PEPD: variants seen among roughly 807,000 people sequenced by gnomAD.
PEPD encodes the protein peptidase D, also known as xaa-Pro dipeptidase.
PEPD carries 53 observed loss-of-function variants against 60.7 expected under a neutral mutation model. The observed-to-expected ratio is 0.87, with a 90% confidence interval of 0.70 to 1.10. PEPD has a LOEUF of 1.10. Ranked by LOEUF, PEPD falls within the 50% of genes least tolerant of loss-of-function variation. PEPD has a pLI of 0.00. For synonymous variants in PEPD, 267 were observed against 284.1 expected (o/e 0.94, Z 0.60); for missense variants, 711 against 711.9 (o/e 1.00, Z 0.01).
chr19:33,513,009 C>A (rs1326098640), intron 1 of PEPD, among the ~76,000 whole-genome samples: 1 of 151,890 alleles, frequency 6.6e-6, no homozygotes, highest in Non-Finnish European at 1.5e-5. Flanking sequence ...CTGACTCCAC[C>A]CCCCTGCTCC....
At chr19:33,471,172 C>G (rs190943917) in intron 7 of PEPD, among the ~76,000 whole-genome samples, 73 of 152,274 alleles carry the variant, frequency 4.8e-4, no homozygotes, top group African/African-American at 1.6e-3. Context: ...AAAGGCAGTT[C>G]TCTGATGAAA....
intron 12 of PEPD, among the ~76,000 whole-genome samples, chr19:33,399,661 C>T (rs1004235131): frequency 6.6e-6 from 1 of 152,182 alleles, no homozygotes; most frequent in East Asian, 1.9e-4. Context: ...GGCCGGCGAT[C>T]GAGGCTGCAA....
chr19:33,430,335 G>A (rs1969241488), intron 9 of PEPD, among the ~76,000 whole-genome samples: 2 of 152,164 alleles, frequency 1.3e-5, no homozygotes, highest in Non-Finnish European at 1.5e-5. Flanking sequence ...CCCGAGAGAC[G>A]GCGAGGTAGG....
At chr19:33,424,364 G>A (rs1473758071) in intron 9 of PEPD, among the ~76,000 whole-genome samples, 1 of 152,262 alleles carries the variant, frequency 6.6e-6, no homozygotes, top group African/African-American at 2.4e-5. Flanking sequence ...GGCACCTTGA[G>A]CCAGCGAGGG....
At chr19:33,429,886 A>G (rs1969233994) in intron 9 of PEPD, among the ~76,000 whole-genome samples, 1 of 152,272 alleles carries the variant, frequency 6.6e-6, no homozygotes, top group South Asian at 2.1e-4. Context: ...TAAGCTCGTC[A>G]GTAATCAAAT....
chr19:33,461,771 G>A lies in PEPD; in HGVS notation c.671+1224C>T, dbSNP rs187932344. 3.9e-4 allele frequency among the ~76,000 whole-genome samples: 60 copies of A among 152,262 alleles called. 2 individuals carry two copies. In the East Asian group the frequency reaches 0.011, roughly 27 times the overall value. On this transcript the variant is annotated intron_variant, in intron 9 of 14. Transcript: ENST00000244137. ...CTGGGAATGCTGGGCCACAGACACC[G>A]CACTGCAGAAGGAGACCACGCAGAC... is the stretch of plus-strand genomic sequence containing the variant.
chr19:33,512,773 G>C lies in PEPD; in HGVS notation c.21C>G (p.Pro7=). The C allele has an allele frequency of 6.2e-7, 1 of 1,614,022 alleles. No individual in the cohort carries two copies. Among genetic ancestry groups the C allele is most frequent in the African/African-American group, 1.3e-5 (1 of 75,062 alleles). Residue 7 remains proline, a synonymous_variant, in exon 2 of 15, where the codon CCC becomes CCG. Coordinates refer to ENST00000244137, the MANE Select transcript of PEPD (RefSeq NM_000285.4). ...GGGTTTCATTCCCCAGCCAAAACGA[G>C]GGTCTGCAGAGGCAAGAGCACACAC... MAAATG[P]SFWLGNETLK... is the part of the protein sequence containing the mutation.
At chr19:33,486,601 C>T (rs571389314) in intron 6 of PEPD, among the ~76,000 whole-genome samples, 46 of 152,280 alleles carry the variant, frequency 3.0e-4, no homozygotes, top group Non-Finnish European at 5.7e-4. Context: ...CCTCTGCTGT[C>T]CCCACACCTC....
chr19:33,412,407 C>G (rs540342142), intron 10 of PEPD, among the ~76,000 whole-genome samples: 1 of 152,156 alleles, frequency 6.6e-6, no homozygotes. Context: ...AAGGGCCCTA[C>G]GGAACCCCTC....
intron 1 of PEPD, among the ~76,000 whole-genome samples, chr19:33,518,486 T>C (rs153508): frequency 0.76 from 115,030 of 152,058 alleles, 43,733 homozygotes; most frequent in Middle Eastern, 0.83. Flanking sequence ...GGGGTACACG[T>C]CCAGGGCAGT....
At chr19:33,505,975 C>T (rs1970795078) in intron 3 of PEPD, among the ~76,000 whole-genome samples, 2 of 145,670 alleles carry the variant, frequency 1.4e-5, no homozygotes, top group Admixed American at 6.9e-5. Context: ...ACCCACACCC[C>T]ATCACAAACA....
chr19:33,491,183 G>A (rs752448724), intron 5 of PEPD, among the ~76,000 whole-genome samples: 7 of 152,150 alleles, frequency 4.6e-5, no homozygotes, highest in East Asian at 3.9e-4. Flanking sequence ...GGCTGGGCAC[G>A]GTGGCTCACG....
intron 5 of PEPD, among the ~76,000 whole-genome samples, chr19:33,490,363 C>A (rs558010461): frequency 6.6e-6 from 1 of 152,258 alleles, no homozygotes; most frequent in Non-Finnish European, 1.5e-5. Context: ...GCTGCCCAGG[C>A]ACAGGCGAGG....
rs1368615976 is a variant in PEPD, at chr19:33,500,942, T to A, written c.389A>T (p.Asp130Val). The change falls in exon 4 of 15, where the codon GAT becomes GTT. Residue 130 changes from aspartate to valine, a missense_variant. By Grantham distance (152) the Asp-to-Val change is radical. Coordinates refer to ENST00000244137, the MANE Select transcript of PEPD (RefSeq NM_000285.4). ...KYAVDDVQYV[D>V]EIASVLTSQK... ...GAGGAGGAGCCGGCTACCCACCTCA[T>A]CTACGTACTGGACGTCGTCCACGGC... The A allele has an allele frequency of 3.8e-6, 6 of 1,589,016 alleles. No homozygotes were observed. The Admixed American group carries it at 5.0e-5, about 13-fold the overall frequency.
chr19:33,469,645 C>T (rs567423271), intron 7 of PEPD, among the ~76,000 whole-genome samples: 25 of 152,226 alleles, frequency 1.6e-4, no homozygotes, highest in Middle Eastern at 3.4e-3. Context: ...GCTCCAACCT[C>T]CACCAGCTCC....
At chr19:33,511,350 G>GGCAGCTCCTCTACCCT (rs1347732083) in intron 2 of PEPD, 195 bp from the exon 3 acceptor site, 5 of 602,916 alleles carry the variant, frequency 8.3e-6, no homozygotes, top group Non-Finnish European at 1.5e-5. Flanking sequence ...GGGGCAGCCT[G>GGCAGCTCCTCTACCCT]GCAGCTCCTC....
intron 9 of PEPD, among the ~76,000 whole-genome samples, chr19:33,460,902 G>A (rs12462285): frequency 0.082 from 12,413 of 152,208 alleles, 706 homozygotes; most frequent in Admixed American, 0.17. Flanking sequence ...TGGAGGGAAG[G>A]TGGAGCAGTT....
intron 11 of PEPD, among the ~76,000 whole-genome samples, chr19:33,409,788 TG>T (rs750906876): frequency 6.6e-6 from 1 of 152,206 alleles, no homozygotes; most frequent in Non-Finnish European, 1.5e-5. Flanking sequence ...AGTCTGAGTT[TG>T]CCAATTCTTT....
chr19:33,462,368 G>A (rs542621025), intron 9 of PEPD, among the ~76,000 whole-genome samples: 11 of 152,354 alleles, frequency 7.2e-5, no homozygotes, highest in East Asian at 1.9e-4. Context: ...CCCAGGACAC[G>A]GGTGGGAAGG....
Sources: allele counts gnomAD v4.1 joint callset (sites outside exome capture counted in the v4.1 genomes callset), GRCh38; gene constraint gnomAD v4.1.1; transcripts MANE v1.5; gene names NCBI Gene and HGNC (gene_info 2026-07-23, HGNC 2026-07-21).